SRP54: variants seen among roughly 807,000 people sequenced by gnomAD.
SRP54 encodes the protein signal recognition particle 54, also known as signal recognition particle subunit SRP54.
SRP54 carries 10 observed loss-of-function variants against 64.8 expected under a neutral mutation model. The ratio of observed to expected loss-of-function variants is 0.15; its 90% CI spans 0.10 to 0.26. The LOEUF is 0.26. Ranked by LOEUF, SRP54 falls within the 10% of genes least tolerant of loss-of-function variation. The pLI is 1.00. For missense variants in SRP54, 325 were observed against 613.7 expected (o/e 0.53, Z 4.97); for synonymous variants, 193 against 185.6 (o/e 1.04, Z -0.32).
At chr14:35,001,828 C>T (rs1566646843) in intron 4 of SRP54, among the ~76,000 whole-genome samples, 1 of 151,758 alleles carries the variant, frequency 6.6e-6, no homozygotes, top group Non-Finnish European at 1.5e-5. Context: ...GCTGATCATG[C>T]AAATTATGGT....
chr14:34,985,811 T>A (rs934057568), intron 1 of SRP54, among the ~76,000 whole-genome samples: 1 of 152,196 alleles, frequency 6.6e-6, no homozygotes, highest in African/African-American at 2.4e-5. Flanking sequence ...CCCCTAAAAC[T>A]TTTTTACCTT....
intron 1 of SRP54, among the ~76,000 whole-genome samples, chr14:34,987,238 AAAAAAAAAATAT>A (rs1438958036): frequency 1.5e-5 from 1 of 67,280 alleles, no homozygotes; most frequent in Non-Finnish European, 3.4e-5. Flanking sequence ...CTGAAAAAAA[AAAAAAAAAATAT>A]ATATATATAT....
At chr14:34,985,921 C>T (rs2043888329) in intron 1 of SRP54, among the ~76,000 whole-genome samples, 1 of 152,014 alleles carries the variant, frequency 6.6e-6, no homozygotes, top group Admixed American at 6.6e-5. Context: ...GCCTCTTATC[C>T]CTCCTTTTCC....
At chr14:35,011,698 G>T in intron 8 of SRP54, 39 bp downstream of exon 8, 1 of 1,424,948 alleles carries the variant, frequency 7.0e-7, no homozygotes, top group Non-Finnish European at 9.3e-7. Flanking sequence ...TTAGGACTTT[G>T]GTTAATTTAA....
intron 4 of SRP54, among the ~76,000 whole-genome samples, chr14:35,003,282 A>G (rs916827364): frequency 3.9e-5 from 6 of 152,178 alleles, no homozygotes; most frequent in East Asian, 1.9e-4. Context: ...CTTTTGTACT[A>G]TGTTGACATT....
intron 7 of SRP54, among the ~76,000 whole-genome samples, 157 bp from the exon 8 acceptor site, chr14:35,011,352 A>G (rs1490064273): frequency 6.6e-6 from 1 of 152,220 alleles, no homozygotes; most frequent in African/African-American, 2.4e-5. Flanking sequence ...TTTTAGAAGT[A>G]GATTCTGTAT....
Position 35,013,458 on chromosome 14 carries a change from T to A in SRP54, c.749T>A (p.Leu250His). Reference sequence around the variant, plus strand: ...GTAGCCTCAGTAATAGTGACAAAACTTGATGGCCATGCAAAAGGAGGTGGT... The same window carrying A: ...GTAGCCTCAGTAATAGTGACAAAACATGATGGCCATGCAAAAGGAGGTGGT... ...VDVASVIVTKLDGHAKGGGAL... is the reference protein window; with the variant it reads ...VDVASVIVTKHDGHAKGGGAL... The change falls in exon 9 of 16, where the codon CTT becomes CAT. Residue 250 changes from leucine to histidine, a missense_variant. Physicochemically the swap from Leu to His is moderately conservative, Grantham distance 99 (BLOSUM62 -3). Coordinates refer to ENST00000216774, the MANE Select transcript of SRP54 (RefSeq NM_003136.4). 6.2e-7 allele frequency: 1 copy of A among 1,614,204 alleles called. No homozygotes were observed.
chr14:35,029,499 C>G lies in SRP54; in HGVS notation c.*347C>G. 5.5e-6 allele frequency: 1 copy of G among 180,704 alleles called. No homozygotes were observed. Among genetic ancestry groups the G allele is most frequent in the East Asian group, 1.5e-4 (1 of 6,486 alleles). 11.2% of individuals were successfully genotyped at this position (180,704 alleles called of 1,614,324 possible). A position where few individuals can be genotyped will look rare whatever the true frequency, so the allele number is the denominator to read the frequency against. On this transcript the variant is annotated 3_prime_UTR_variant, in exon 16 of 16. Coordinates refer to ENST00000216774, the MANE Select transcript of SRP54 (RefSeq NM_003136.4). Reference sequence around the variant, plus strand: ...CCAAGCATTGCATTTGTAAACAGTCCTGGTCAGTAGTTAAATAATGTTTCA... The same window carrying G: ...CCAAGCATTGCATTTGTAAACAGTCGTGGTCAGTAGTTAAATAATGTTTCA...
intron 7 of SRP54, 21 bp downstream of exon 7, chr14:35,008,852 T>C (rs757893920): frequency 6.4e-7 from 1 of 1,557,486 alleles, no homozygotes; most frequent in Non-Finnish European, 8.8e-7. Flanking sequence ...GTTTTTTATT[T>C]TAACACTTAT....
intron 15 of SRP54, among the ~76,000 whole-genome samples, 157 bp from the exon 16 acceptor site, chr14:35,028,904 T>C (rs1042384866): frequency 6.6e-6 from 1 of 152,224 alleles, no homozygotes; most frequent in Non-Finnish European, 1.5e-5. Flanking sequence ...CTGGTGATAA[T>C]ACAAATTTTT....
chr14:34,990,717 G>A (rs552687936), intron 1 of SRP54, among the ~76,000 whole-genome samples: 1 of 152,326 alleles, frequency 6.6e-6, no homozygotes, highest in South Asian at 2.1e-4. Context: ...TCACTTTAGT[G>A]TACATATTAG....
intron 4 of SRP54, among the ~76,000 whole-genome samples, chr14:35,001,890 A>AG (rs1756201550): frequency 6.6e-6 from 1 of 152,112 alleles, no homozygotes; most frequent in Non-Finnish European, 1.5e-5. Context: ...AGAAAAAAAA[A>AG]GAAAGGAGCT....
At chr14:35,022,008 G>A (rs190810403) in intron 13 of SRP54, among the ~76,000 whole-genome samples, 1 of 152,220 alleles carries the variant, frequency 6.6e-6, no homozygotes, top group Admixed American at 6.5e-5. Context: ...GCTACTGAGA[G>A]AATTAAAATA....
At position 35,018,984 on chromosome 14, in the gene SRP54, G is replaced by A; in HGVS notation, c.1066G>A (p.Gly356Arg). 1 of 1,613,714 alleles carries A rather than the reference G, an allele frequency of 6.2e-7. No homozygotes were observed. The highest frequency in any genetic ancestry group is 1.1e-5 in the South Asian group (1 of 91,060). The change falls in exon 13 of 16, where the codon GGG (glycine) becomes AGG (arginine). Residue 356 changes from glycine to arginine, a missense_variant. Around this residue, in one of 3 missense-constraint regions of SRP54, gnomAD observed 146 missense variants for 337.4 expected, o/e 0.43. Transcript: ENST00000216774. ...GTTGTAGGGGATGATCCCTGGTTTT[G>A]GGACAGATTTTATGAGCAAAGGAAA... ...SQILGMIPGF[G>R]TDFMSKGNEQ... is the part of the protein sequence containing the mutation.
intron 1 of SRP54, among the ~76,000 whole-genome samples, chr14:34,992,665 G>T (rs1437159970): frequency 5.3e-5 from 8 of 152,030 alleles, no homozygotes; most frequent in Non-Finnish European, 1.2e-4. Flanking sequence ...GAAGACTGAG[G>T]ATTGAAAAAG....
rs1380136004 is a variant in SRP54 at position 34,988,365 on chromosome 14, C to T, written c.-34+5150C>T. Among the ~76,000 whole-genome samples the T allele has an allele frequency of 7.3e-5, 11 of 150,484 alleles. No individual in the cohort carries two copies. In the Admixed American group the frequency reaches 7.3e-4, roughly 10 times the overall value. ...GATCACGAGGTCAAGAGGTCGAGACCATCCTGGCCAACATGGTGAAACCCC... is the reference window on the plus strand; with the variant it reads ...GATCACGAGGTCAAGAGGTCGAGACTATCCTGGCCAACATGGTGAAACCCC... On this transcript the variant is annotated intron_variant, in intron 1 of 15. Transcript: ENST00000216774.
chr14:34,999,819 A>T (rs2044141664), intron 3 of SRP54, 170 bp downstream of exon 3: 1 of 462,154 alleles, frequency 2.2e-6, no homozygotes, highest in Non-Finnish European at 3.9e-6. Flanking sequence ...GTACGTTTCC[A>T]TAATGATGGT....
rs757652580 is a variant in SRP54 at position 35,008,699 on chromosome 14, G to A, written c.427+6G>A. The A allele has an allele frequency of 1.1e-5, 17 of 1,606,804 alleles. No homozygotes were observed. In the South Asian group the frequency reaches 1.8e-4, roughly 17 times the overall value. On this transcript the variant is annotated splice_donor_region_variant and intron_variant, in intron 6 of 15. Coordinates refer to ENST00000216774, the MANE Select transcript of SRP54 (RefSeq NM_003136.4). Reference sequence around the variant, plus strand: ...TGCAGACACATTCAGAGCAGGTAATGTCTTGAAATTTGAAAATTGTTTTAT... The same window carrying A: ...TGCAGACACATTCAGAGCAGGTAATATCTTGAAATTTGAAAATTGTTTTAT...
chr14:34,988,302 G>A (rs974419794), intron 1 of SRP54, among the ~76,000 whole-genome samples: 4 of 151,514 alleles, frequency 2.6e-5, no homozygotes, highest in African/African-American at 7.3e-5. Flanking sequence ...GGTGGTTCAC[G>A]CCTGTAATCC....
Sources: allele counts gnomAD v4.1 joint callset (sites outside exome capture counted in the v4.1 genomes callset), GRCh38; gene constraint gnomAD v4.1.1; regional missense constraint gnomAD v4.1.1; transcripts MANE v1.5; gene names NCBI Gene and HGNC (gene_info 2026-07-23, HGNC 2026-07-21).